The following RPGRIP1L variants were observed in gnomAD, a reference collection of about 807,000 sequenced individuals.
The protein encoded by RPGRIP1L is protein fantom.
Under a neutral mutation model 160.4 loss-of-function variants are expected in RPGRIP1L, and 131 were observed. That is an observed-to-expected ratio of 0.82 (90% CI 0.71 to 0.94). The LOEUF (loss-of-function observed/expected upper bound fraction) is 0.94. Among genes scored for constraint, RPGRIP1L ranks in the 40% least tolerant of loss-of-function variants. RPGRIP1L has a pLI of 0.00. For missense variants in RPGRIP1L, 1,522 were observed against 1,535.8 expected (o/e 0.99, Z 0.15); for synonymous variants, 510 against 515.8 (o/e 0.99, Z 0.15).
intron 20 of RPGRIP1L, among the ~76,000 whole-genome samples, chr16:53,638,070 G>A (rs1036646636): frequency 6.6e-6 from 1 of 152,012 alleles, no homozygotes. Context: ...AATAAAAAAT[G>A]TATTAATCTC....
At chr16:53,642,186 A>T (rs1396000966) in intron 17 of RPGRIP1L, among the ~76,000 whole-genome samples, 2 of 148,252 alleles carry the variant, frequency 1.3e-5, no homozygotes, top group Admixed American at 6.8e-5. Flanking sequence ...ATATCTTTTT[A>T]TTTTTTTTTT....
chr16:53,646,850 A>T (rs1966583395), intron 16 of RPGRIP1L, among the ~76,000 whole-genome samples: 1 of 152,208 alleles, frequency 6.6e-6, no homozygotes. Flanking sequence ...AGGAAAAAAT[A>T]AAGCTGTTGT....
At chr16:53,640,403 T>C (rs976699852) in intron 19 of RPGRIP1L, among the ~76,000 whole-genome samples, 3 of 152,224 alleles carry the variant, frequency 2.0e-5, no homozygotes, top group African/African-American at 7.2e-5. Flanking sequence ...AGCGTATAGA[T>C]GCTTTTTTAA....
intron 19 of RPGRIP1L, among the ~76,000 whole-genome samples, chr16:53,640,754 A>C (rs1011003117): frequency 6.6e-6 from 1 of 152,144 alleles, no homozygotes; most frequent in Non-Finnish European, 1.5e-5. Context: ...TGAAGGAGAC[A>C]GAATTTAGAC....
chr16:53,697,791 A>G (rs1317179070), intron 2 of RPGRIP1L, among the ~76,000 whole-genome samples: 6 of 151,288 alleles, frequency 4.0e-5, no homozygotes, highest in Non-Finnish European at 8.9e-5. Flanking sequence ...CACCCCGTCT[A>G]GGAAGTGAGG....
At position 53,658,812 on chromosome 16, in the gene RPGRIP1L, T is replaced by C. The variant is rs1227063404; in HGVS notation, c.1310A>G (p.Gln437Arg). The C allele has an allele frequency of 6.2e-7, 1 of 1,609,034 alleles. No individual in the cohort carries two copies. ...LQLQYLEQKQQLDELKKRIKL... is the reference protein window; with the variant it reads ...LQLQYLEQKQRLDELKKRIKL... ...TATGCGTTTTTTAAGTTCATCAAGT[T>C]GTTGCTTTTGTTCCAGATACTGTAA... The change falls in exon 11 of 27, where the codon CAA (glutamine) becomes CGA (arginine). Residue 437 changes from glutamine (Q) to arginine (R), a missense_variant. By Grantham distance (43) the Gln-to-Arg change is conservative (BLOSUM62 1). Coordinates refer to ENST00000647211, the MANE Select transcript of RPGRIP1L (RefSeq NM_015272.5).
chr16:53,625,520 G>A (rs868650602), intron 22 of RPGRIP1L, among the ~76,000 whole-genome samples: 147 of 141,696 alleles, frequency 1.0e-3, no homozygotes, highest in African/African-American at 3.6e-3. Context: ...TCTAGGGGGT[G>A]AGGGGGGGGC....
At chr16:53,671,816 C>T (rs1309446278) in intron 8 of RPGRIP1L, among the ~76,000 whole-genome samples, 6 of 152,006 alleles carry the variant, frequency 3.9e-5, no homozygotes, top group Non-Finnish European at 5.9e-5. Flanking sequence ...TTAGTAGAAA[C>T]GTATGCACTG....
chr16:53,682,570 A>ACAGG (rs142130141), intron 6 of RPGRIP1L, among the ~76,000 whole-genome samples: 7,773 of 152,256 alleles, frequency 0.051, 391 homozygotes, highest in East Asian at 0.3. Flanking sequence ...ACCTTACACT[A>ACAGG]AACTTGAGAA....
rs1225775904 is a variant in RPGRIP1L, at chr16:53,599,338, T to C, written c.*2738A>G. 6.6e-6 allele frequency: 1 copy of C among 152,238 alleles called. No homozygotes were observed. The highest frequency in any genetic ancestry group is 2.4e-5 in the African/African-American group (1 of 41,472). 9.4% of individuals were successfully genotyped at this position (152,238 alleles called of 1,614,324 possible). ...GTAAACCATGATAATTTAGAAAACA[T>C]GGTGAAACTGAGAGTGAAGAGAAAT... On this transcript the variant is annotated 3_prime_UTR_variant, in exon 27 of 27. Coordinates refer to ENST00000647211, the MANE Select transcript of RPGRIP1L (RefSeq NM_015272.5).
At chr16:53,611,644 A>C (rs1462012312) in intron 24 of RPGRIP1L, among the ~76,000 whole-genome samples, 1 of 152,226 alleles carries the variant, frequency 6.6e-6, no homozygotes, top group Non-Finnish European at 1.5e-5. Context: ...GGCATCGAGG[A>C]ATGTGGCCAG....
At chr16:53,613,104 G>A (rs1240522225) in intron 24 of RPGRIP1L, among the ~76,000 whole-genome samples, 2 of 152,162 alleles carry the variant, frequency 1.3e-5, no homozygotes, top group African/African-American at 4.8e-5. Context: ...TCTTAAGGCT[G>A]TATAATATTT....
intron 2 of RPGRIP1L, among the ~76,000 whole-genome samples, chr16:53,698,483 G>T: frequency 6.8e-6 from 1 of 146,980 alleles, no homozygotes; most frequent in South Asian, 2.2e-4. Context: ...GCCCCGTCCA[G>T]GAGGGAGGTT....
intron 23 of RPGRIP1L, among the ~76,000 whole-genome samples, chr16:53,621,210 G>T (rs1964684776): frequency 6.6e-6 from 1 of 151,928 alleles, no homozygotes; most frequent in African/African-American, 2.4e-5. Context: ...TTGCATTATT[G>T]TAAGAACCAA....
At chr16:53,662,522 G>A (rs1228421483) in intron 10 of RPGRIP1L, among the ~76,000 whole-genome samples, 1 of 152,096 alleles carries the variant, frequency 6.6e-6, no homozygotes, top group Non-Finnish European at 1.5e-5. Flanking sequence ...TGATACATGA[G>A]AAGGTAAATG....
In RPGRIP1L at chr16:53,657,541, A is replaced by C; in HGVS notation, c.1493T>G (p.Leu498Arg). The C allele has an allele frequency of 1.2e-6, 2 of 1,610,750 alleles. No homozygotes were observed. The highest frequency in any genetic ancestry group is 1.7e-6 in the Non-Finnish European group (2 of 1,177,274). ...CACCGTTTCTGCATGAGTTGCTTGC[A>C]GCTCTCTCATAGAGCGTTCTAGATC... ...NKDLERSMRE[L>R]QATHAETVQE... is the part of the protein sequence containing the mutation. Residue 498 changes from leucine (L) to arginine (R), a missense_variant, in exon 13 of 27, where the codon CTG becomes CGG. Physicochemically the swap from Leu to Arg is moderately radical, Grantham distance 102. Transcript: ENST00000647211.
chr16:53,637,207 C>A (rs1305885660), intron 21 of RPGRIP1L, among the ~76,000 whole-genome samples: 3 of 152,136 alleles, frequency 2.0e-5, no homozygotes, highest in African/African-American at 7.2e-5. Context: ...ACCAACACCA[C>A]AGTTAAGACA....
rs12445128 is a variant in RPGRIP1L at position 53,652,396 on chromosome 16, A to G, written c.2152+139T>C. The G allele has an allele frequency of 0.064, 46,162 of 721,444 alleles. 2,594 individuals are homozygous for G. Among genetic ancestry groups the G allele is most frequent in the East Asian group, 0.27 (10,111 of 37,192 alleles). 44.7% of individuals were successfully genotyped at this position (721,444 alleles called of 1,614,324 possible). A position where few individuals can be genotyped will look rare whatever the true frequency, so the allele number is the denominator to read the frequency against. ...CATCAGTGACGTTTAAGATAGTCCA[A>G]TTAACTGTGGGTAAAGAATGTTGTC... On this transcript the variant is annotated intron_variant, in intron 15 of 26. Transcript: ENST00000647211.
chr16:53,625,588 C>T (rs1472322541), intron 22 of RPGRIP1L, among the ~76,000 whole-genome samples: 1 of 150,368 alleles, frequency 6.7e-6, no homozygotes, highest in Non-Finnish European at 1.5e-5. Flanking sequence ...GCCCAGCCGC[C>T]ATGTCTGGGA....
Sources: allele counts gnomAD v4.1 joint callset (sites outside exome capture counted in the v4.1 genomes callset), GRCh38; gene constraint gnomAD v4.1.1; transcripts MANE v1.5; gene names NCBI Gene and HGNC (gene_info 2026-07-23, HGNC 2026-07-21).